CXADR: variants seen among roughly 807,000 people sequenced by gnomAD.
The protein encoded by CXADR is CXADR cell adhesion molecule.
A neutral mutation model predicts 40.3 loss-of-function variants in CXADR; 20 were observed. The observed-to-expected ratio is 0.50, with a 90% CI of 0.35 to 0.72. The LOEUF is 0.72. Among genes scored for constraint, CXADR ranks in the 30% least tolerant of loss-of-function variants. The probability of loss-of-function intolerance (pLI) is 0.01; values close to 1 mark genes in which losing one functional copy is unlikely to be tolerated. For synonymous variants in CXADR, 150 were observed against 161.3 expected, an observed-to-expected ratio of 0.93 and a Z score of 0.53; for missense variants, 332 against 449.1, an observed-to-expected ratio of 0.74 and a Z score of 2.36.
chr21:17,517,980 C>G, intron 1 of CXADR, among the ~76,000 whole-genome samples: 1 of 152,182 alleles, frequency 6.6e-6, no homozygotes, highest in East Asian at 1.9e-4. Context: ...TACCTCAAGA[C>G]ATTTTAAACC....
At chr21:17,614,017 T>A in the CXADR span, 1 of 152,124 alleles carries the variant, frequency 6.6e-6, no homozygotes, top group East Asian at 1.9e-4. Context: ...TGATCTTTGT[T>A]ATAGCCAATT....
rs140639689 is a variant in CXADR, at chr21:17,585,268, A to T, written c.1018-7884A>T. Reference sequence around the variant, plus strand: ...AGAGATTTGTAGCTTAAAATCTAGTAATAAAGATTTGTTAAATCAATTACA... The same window carrying T: ...AGAGATTTGTAGCTTAAAATCTAGTTATAAAGATTTGTTAAATCAATTACA... On this transcript the variant is annotated intron_variant, in intron 7 of 7. Transcript: ENST00000400169. Among the ~76,000 whole-genome samples, 199 of 152,356 alleles carry T rather than the reference A, an allele frequency of 1.3e-3. No homozygotes were observed. The East Asian group carries it at 0.03, about 23-fold the overall frequency.
intron 1 of CXADR, among the ~76,000 whole-genome samples, chr21:17,532,687 G>A (rs1445892614): frequency 6.6e-6 from 1 of 152,198 alleles, no homozygotes; most frequent in African/African-American, 2.4e-5. Context: ...ATAGGGTTAT[G>A]TATCATAGTA....
At chr21:17,530,601 G>T (rs1380721573) in intron 1 of CXADR, among the ~76,000 whole-genome samples, 1 of 151,272 alleles carries the variant, frequency 6.6e-6, no homozygotes, top group East Asian at 2.0e-4. Context: ...ATCACTTGAG[G>T]TTAGCAGTTC....
chr21:17,603,850 T>C, the CXADR span, among the ~76,000 whole-genome samples: 11 of 152,356 alleles, frequency 7.2e-5, no homozygotes, highest in African/African-American at 2.6e-4. Context: ...CTTTCTACTT[T>C]GTGCAACCTA....
At chr21:17,578,548 G>A (rs1303368137) in intron 7 of CXADR, among the ~76,000 whole-genome samples, 2 of 152,208 alleles carry the variant, frequency 1.3e-5, no homozygotes, top group Non-Finnish European at 2.9e-5. Flanking sequence ...GAAATCTAAG[G>A]AAGCAGGGCT....
chr21:17,575,130 A>ATTCTATCG (rs386394339), intron 7 of CXADR, among the ~76,000 whole-genome samples: 3 of 151,412 alleles, frequency 2.0e-5, no homozygotes, highest in Non-Finnish European at 4.4e-5. Flanking sequence ...GAAGTGTCTC[A>ATTCTATCG]TTCTATCTGC....
chr21:17,564,321 T>TAAA (rs35399069), intron 6 of CXADR, among the ~76,000 whole-genome samples: 1 of 139,032 alleles, frequency 7.2e-6, no homozygotes, highest in Non-Finnish European at 1.6e-5. Flanking sequence ...ATGTCTCTAT[T>TAAA]AAAAAAAAAA....
intron 7 of CXADR, among the ~76,000 whole-genome samples, chr21:17,577,790 T>C (rs952941204): frequency 1.3e-5 from 2 of 152,042 alleles, no homozygotes; most frequent in African/African-American, 4.8e-5. Flanking sequence ...ACCTGTTGAA[T>C]AGCAATTCCC....
chr21:17,528,068 C>CTTTTTTTTTTTTTTTTTTTTTTT (rs35477813), intron 1 of CXADR, among the ~76,000 whole-genome samples: 7 of 78,352 alleles, frequency 8.9e-5, no homozygotes, highest in East Asian at 3.9e-4. Flanking sequence ...TTAGTTCTTT[C>CTTTTTTTTTTTTTTTTTTTTTTT]TTTTTTTTTT....
chr21:17,594,406 GACAA>G (rs3074937), downstream of CXADR: 607,903 of 1,500,420 alleles, frequency 0.41, 128,168 homozygotes, highest in African/African-American at 0.7. Flanking sequence ...TCTCATTAAA[GACAA>G]ACAAAGTTAC....
the CXADR span, chr21:17,608,826 T>TATACAATAAATATACAATATACAATAA: frequency 5.2e-6 from 4 of 767,324 alleles, no homozygotes; most frequent in Non-Finnish European, 5.8e-6. Context: ...TTAAAATGAG[T>TATACAATAAATATACAATATACAATAA]AAGGAGAAAA....
At chr21:17,595,420 T>A (rs1208065422), downstream of CXADR, among the ~76,000 whole-genome samples, 1 of 152,032 alleles carries the variant, frequency 6.6e-6, no homozygotes, top group African/African-American at 2.4e-5. Context: ...ATCTTCTTTA[T>A]CTTAACCCTT....
At chr21:17,632,452 G>A in the CXADR span, among the ~76,000 whole-genome samples, 1 of 152,220 alleles carries the variant, frequency 6.6e-6, no homozygotes, top group Non-Finnish European at 1.5e-5. Context: ...AATAACAGTT[G>A]CATATTGATG....
In CXADR at chr21:17,520,121, C is replaced by T. The variant is rs561587916; in HGVS notation, c.43+6949C>T. Among the ~76,000 whole-genome samples, 44 of 152,266 alleles carry T rather than the reference C, an allele frequency of 2.9e-4. 1 individual carries two copies. The highest frequency in any genetic ancestry group is 9.1e-4 in the African/African-American group (38 of 41,538). On this transcript the variant is annotated intron_variant, in intron 1 of 6. Coordinates refer to ENST00000284878, the MANE Select transcript of CXADR (RefSeq NM_001338.5). ...TCAACTTCCATTCGAATACCTAACA[C>T]TCTTCACTCTCCAAGTACACTCACC...
At chr21:17,550,635 G>T (rs1161929501) in intron 2 of CXADR, among the ~76,000 whole-genome samples, 3 of 152,202 alleles carry the variant, frequency 2.0e-5, no homozygotes, top group Non-Finnish European at 2.9e-5. Flanking sequence ...TAACCAGAAT[G>T]AAGAGATTTC....
At chr21:17,535,127 A>G (rs1176798698) in intron 1 of CXADR, among the ~76,000 whole-genome samples, 2 of 151,446 alleles carry the variant, frequency 1.3e-5, no homozygotes, top group African/African-American at 2.4e-5. Flanking sequence ...TTTTTTGACT[A>G]TTATTGAGTG....
At chr21:17,514,427 T>G (rs1326614901) in intron 1 of CXADR, among the ~76,000 whole-genome samples, 1 of 152,062 alleles carries the variant, frequency 6.6e-6, no homozygotes, top group Non-Finnish European at 1.5e-5. Flanking sequence ...GGCTGAAATG[T>G]CCAAAGTAAG....
chr21:17,624,246 T>G, the CXADR span, among the ~76,000 whole-genome samples: 812 of 152,346 alleles, frequency 5.3e-3, 2 homozygotes, highest in Non-Finnish European at 9.1e-3. Context: ...GTATTAGTTT[T>G]CTATTACTTC....
Sources: allele counts gnomAD v4.1 joint callset (sites outside exome capture counted in the v4.1 genomes callset), GRCh38; gene constraint gnomAD v4.1.1; transcripts MANE v1.5; gene names NCBI Gene and HGNC (gene_info 2026-07-23, HGNC 2026-07-21).